FBXO22: variants seen among roughly 807,000 people sequenced by gnomAD.
FBXO22 encodes F-box only protein 22.
FBXO22 carries 13 observed loss-of-function variants against 37.2 expected under a neutral mutation model. That is an observed-to-expected ratio of 0.35 (90% CI 0.23 to 0.56). The LOEUF (loss-of-function observed/expected upper bound fraction) is 0.56, where lower values mean the gene tolerates loss of function less well. Among genes scored for constraint, FBXO22 ranks in the 20% least tolerant of loss-of-function variants. FBXO22 has a pLI of 0.87. For missense variants in FBXO22, 446 were observed against 509.9 expected, an observed-to-expected ratio of 0.87 and a Z score of 1.21; for synonymous variants, 189 against 189.1, an observed-to-expected ratio of 1.00 and a Z score of 0.00.
Position 75,941,012 on chromosome 15 carries a change from G to A in FBXO22, c.*7910G>A, listed in dbSNP as rs577343466. 1 of 152,220 alleles carries A rather than the reference G, an allele frequency of 6.6e-6. No homozygotes were observed. The highest frequency in any genetic ancestry group is 2.4e-5 in the African/African-American group (1 of 41,568). 9.4% of individuals were successfully genotyped at this position (152,220 alleles called of 1,614,324 possible). A position where few individuals can be genotyped will look rare whatever the true frequency, so the allele number is the denominator to read the frequency against. On this transcript the variant is annotated 3_prime_UTR_variant, in exon 7 of 7. Coordinates refer to ENST00000308275, the MANE Select transcript of FBXO22 (RefSeq NM_147188.3). ...AGAGTAAAAAGATTACCTATGGAGT[G>A]GGAGGAAATAATATGCAGTTCACGT...
In FBXO22 at chr15:75,932,917, G is replaced by C. The variant is rs748854482; in HGVS notation, c.1027G>C (p.Asp343His). 2 of 1,614,130 alleles carry C rather than the reference G, an allele frequency of 1.2e-6. No individual in the cohort carries two copies. Among genetic ancestry groups the C allele is most frequent in the Non-Finnish European group, 1.7e-6 (2 of 1,180,056 alleles). ...CAGAGCCAAGGGGAATGTTGAGGCTGATGCATTTAGAAAGTTTTTTCCTAG... is the reference window on the plus strand; with the variant it reads ...CAGAGCCAAGGGGAATGTTGAGGCTCATGCATTTAGAAAGTTTTTTCCTAG... ...YYRAKGNVEA[D>H]AFRKFFPSVP... The change falls in exon 7 of 7, where the codon GAT (aspartate) becomes CAT (histidine). Residue 343 changes from aspartate to histidine, a missense_variant. Coordinates refer to ENST00000308275, the MANE Select transcript of FBXO22 (RefSeq NM_147188.3).
At chr15:75,929,366 G>C (rs1473983258) in intron 5 of FBXO22, among the ~76,000 whole-genome samples, 1 of 151,942 alleles carries the variant, frequency 6.6e-6, no homozygotes, top group Non-Finnish European at 1.5e-5. Context: ...ACATGCATAG[G>C]TTCCAGAGGT....
At chr15:75,908,990 G>A (rs1899989398) in intron 2 of FBXO22, among the ~76,000 whole-genome samples, 1 of 152,102 alleles carries the variant, frequency 6.6e-6, no homozygotes, top group African/African-American at 2.4e-5. Flanking sequence ...AAATTATAAT[G>A]GACCAACTTT....
chr15:75,927,221 C>G (rs1900463774), intron 5 of FBXO22, among the ~76,000 whole-genome samples: 1 of 152,166 alleles, frequency 6.6e-6, no homozygotes, highest in South Asian at 2.1e-4. Context: ...GACTCAGCCT[C>G]TAGGCTAAAC....
At chr15:75,905,956 G>C (rs751257161) in intron 2 of FBXO22, among the ~76,000 whole-genome samples, 12 of 152,164 alleles carry the variant, frequency 7.9e-5, no homozygotes, top group Non-Finnish European at 1.5e-4. Context: ...ATTGTTTTGT[G>C]AAGAGATCAT....
intron 5 of FBXO22, among the ~76,000 whole-genome samples, chr15:75,923,535 C>T (rs1365200262): frequency 6.6e-6 from 1 of 152,108 alleles, no homozygotes; most frequent in Non-Finnish European, 1.5e-5. Context: ...AACCACAGAT[C>T]AAAAATATTT....
Position 75,933,151 on chromosome 15 carries a change from C to T in FBXO22, c.*49C>T. 1 of 1,492,306 alleles carries T rather than the reference C, an allele frequency of 6.7e-7. No individual in the cohort carries two copies. 92.4% of individuals were successfully genotyped at this position (1,492,306 alleles called of 1,614,324 possible). A position where few individuals can be genotyped will look rare whatever the true frequency, so the allele number is the denominator to read the frequency against. On this transcript the variant is annotated 3_prime_UTR_variant, in exon 7 of 7. Coordinates refer to ENST00000308275, the MANE Select transcript of FBXO22 (RefSeq NM_147188.3). ...TGTAACTTTTGGGTTCTGCCTTTTT[C>T]AGAAAATGGAAACTTGGGCCATGTG... is the stretch of plus-strand genomic sequence containing the variant.
intron 2 of FBXO22, among the ~76,000 whole-genome samples, chr15:75,906,535 A>G (rs897490100): frequency 6.6e-6 from 1 of 151,654 alleles, no homozygotes; most frequent in Non-Finnish European, 1.5e-5. Flanking sequence ...TCATATTTGT[A>G]CCTCCCTTTT....
intron 5 of FBXO22, among the ~76,000 whole-genome samples, chr15:75,918,956 T>A (rs1234401482): frequency 1.3e-5 from 2 of 152,116 alleles, no homozygotes; most frequent in African/African-American, 4.8e-5. Flanking sequence ...GACCATATAT[T>A]CTTTTTTTTG....
At position 75,936,309 on chromosome 15, in the gene FBXO22, T is replaced by C. The variant is rs2030329914; in HGVS notation, c.*3207T>C. ...TGGGTATGAGTTGGCTTAATGAAAATCCTAAAATAATAAAATAAGCATTAG... is the reference window on the plus strand; with the variant it reads ...TGGGTATGAGTTGGCTTAATGAAAACCCTAAAATAATAAAATAAGCATTAG... On this transcript the variant is annotated 3_prime_UTR_variant, in exon 7 of 7. Transcript: ENST00000308275. 6.6e-6 allele frequency: 1 copy of C among 152,032 alleles called. No homozygotes were observed. The allele number at this position is 152,032 out of a possible 1,614,324, so 9.4% of individuals were successfully genotyped here.
rs879816994 is a variant in FBXO22 at position 75,941,261 on chromosome 15, T to TATTAAA, written c.*8167_*8172dup. ...ACTTCATACCCACTGGGATAGCTCT[T>TATTAAA]ATTAAAATTAAAAAAACACACAAGT... is the stretch of plus-strand genomic sequence containing the variant. On this transcript the variant is annotated 3_prime_UTR_variant, in exon 7 of 7. Coordinates refer to ENST00000308275, the MANE Select transcript of FBXO22 (RefSeq NM_147188.3). 4 of 152,130 alleles carry TATTAAA rather than the reference T, an allele frequency of 2.6e-5. No homozygotes were observed. Among genetic ancestry groups the TATTAAA allele is most frequent in the Non-Finnish European group, 5.9e-5 (4 of 67,992 alleles). 9.4% of individuals were successfully genotyped at this position (152,130 alleles called of 1,614,324 possible). A position where few individuals can be genotyped will look rare whatever the true frequency, so the allele number is the denominator to read the frequency against.
rs1007519354 is a variant in FBXO22, at chr15:75,913,128, G to T, written c.280-75G>T. On this transcript the variant is annotated intron_variant, in intron 2 of 6. Transcript: ENST00000308275. ...AATTTGATTGCACTATGGACTGGGTGATACTTCAAGGGACTATGCAGAAGC... is the reference window on the plus strand; with the variant it reads ...AATTTGATTGCACTATGGACTGGGTTATACTTCAAGGGACTATGCAGAAGC... The T allele has an allele frequency of 5.5e-5, 51 of 931,108 alleles. 1 individual carries two copies. In the South Asian group the frequency reaches 7.1e-4, roughly 13 times the overall value. The allele number at this position is 931,108 out of a possible 1,614,324, so 57.7% of individuals were successfully genotyped here.
At position 75,939,226 on chromosome 15, in the gene FBXO22, A is replaced by G. The variant is rs995875383; in HGVS notation, c.*6124A>G. The G allele has an allele frequency of 2.6e-5, 4 of 152,004 alleles. No individual in the cohort carries two copies. Among genetic ancestry groups the G allele is most frequent in the African/African-American group, 7.2e-5 (3 of 41,410 alleles). The allele number at this position is 152,004 out of a possible 1,614,324, so 9.4% of individuals were successfully genotyped here. ...TAGATAGACTAAGAAAAAAAGGAAGACTCAATTGCTAAAATAAATGAAAAT... is the reference window on the plus strand; with the variant it reads ...TAGATAGACTAAGAAAAAAAGGAAGGCTCAATTGCTAAAATAAATGAAAAT... On this transcript the variant is annotated 3_prime_UTR_variant, in exon 7 of 7. Transcript: ENST00000308275.
rs1345110782 is a variant in FBXO22, at chr15:75,923,694, GTGTATA to G, written c.629-6188_629-6183del. Among the ~76,000 whole-genome samples, 5 of 152,280 alleles carry G rather than the reference GTGTATA, an allele frequency of 3.3e-5. No individual in the cohort carries two copies. In the South Asian group the frequency reaches 6.2e-4, roughly 19 times the overall value. ...ATTAGCTTGATTTAGCCATTCAGTA[GTGTATA>G]TATATTTCAAAACACCATGTTGAAC... is the stretch of plus-strand genomic sequence containing the variant. On this transcript the variant is annotated intron_variant, in intron 5 of 6. Transcript: ENST00000308275.
chr15:75,934,789 T>G lies in FBXO22; in HGVS notation c.*1687T>G, dbSNP rs779408236. 1.8e-4 allele frequency: 27 copies of G among 152,186 alleles called. No individual in the cohort carries two copies. Among genetic ancestry groups the G allele is most frequent in the Non-Finnish European group, 3.5e-4 (24 of 68,028 alleles). 9.4% of individuals were successfully genotyped at this position (152,186 alleles called of 1,614,324 possible). A position where few individuals can be genotyped will look rare whatever the true frequency, so the allele number is the denominator to read the frequency against. On this transcript the variant is annotated 3_prime_UTR_variant, in exon 7 of 7. Coordinates refer to ENST00000308275, the MANE Select transcript of FBXO22 (RefSeq NM_147188.3). ...CCCATAAGGCAAATATTTTTTAAAC[T>G]TTATTGTCCCTGATATTAACCAGAA...
At position 75,940,754 on chromosome 15, in the gene FBXO22, TA is replaced by T. The variant is rs2030872161; in HGVS notation, c.*7654del. ...TTCCAAGGATAGTTTTTTCAACAAA[TA>T]ATGATGGGAAAGCTGGATAACCACA... On this transcript the variant is annotated 3_prime_UTR_variant, in exon 7 of 7. Transcript: ENST00000308275. 1 of 141,446 alleles carries T rather than the reference TA, an allele frequency of 7.1e-6. No homozygotes were observed. 8.8% of individuals were successfully genotyped at this position (141,446 alleles called of 1,614,324 possible).
At chr15:75,925,126 T>C (rs1475267991) in intron 5 of FBXO22, among the ~76,000 whole-genome samples, 2 of 152,170 alleles carry the variant, frequency 1.3e-5, no homozygotes, top group Non-Finnish European at 2.9e-5. Context: ...CACAGTTCTT[T>C]CTGGCAGCCA....
intron 5 of FBXO22, among the ~76,000 whole-genome samples, chr15:75,924,276 A>C (rs1900392321): frequency 6.6e-6 from 1 of 152,122 alleles, no homozygotes; most frequent in Non-Finnish European, 1.5e-5. Context: ...CAGGGTTGGT[A>C]CTGCTGTAAT....
chr15:75,940,606 T>TA lies in FBXO22; in HGVS notation c.*7506dup, dbSNP rs769235086. 3 of 152,132 alleles carry TA rather than the reference T, an allele frequency of 2.0e-5. No homozygotes were observed. Among genetic ancestry groups the TA allele is most frequent in the Non-Finnish European group, 4.4e-5 (3 of 67,988 alleles). The allele number at this position is 152,132 out of a possible 1,614,324, so 9.4% of individuals were successfully genotyped here. The stretch of plus-strand genomic sequence containing the variant: ...TTTAAAACTTACTATAATGCTACAG[T>TA]AATCAAAACAATGTGATTCTGGCAT... On this transcript the variant is annotated 3_prime_UTR_variant, in exon 7 of 7. Coordinates refer to ENST00000308275, the MANE Select transcript of FBXO22 (RefSeq NM_147188.3).
Sources: gnomAD v4.1 joint callset for allele counts (sites outside exome capture counted in the v4.1 genomes callset) on GRCh38, gnomAD v4.1.1 for gene constraint, MANE v1.5 for transcripts, NCBI Gene and HGNC (gene_info 2026-07-23, HGNC 2026-07-21) for gene names.